Variants in FRMPD4 observed in about 807,000 individuals in gnomAD.
The protein encoded by FRMPD4 is FERM and PDZ domain-containing protein 4.
A neutral mutation model predicts 94.1 loss-of-function variants in FRMPD4; 22 were observed. The ratio of observed to expected loss-of-function variants is 0.23; its 90% confidence interval spans 0.17 to 0.33. The LOEUF (loss-of-function observed/expected upper bound fraction) is 0.33. Among genes scored for constraint, FRMPD4 ranks in the 10% least tolerant of loss-of-function variants. The pLI is 1.00. For synonymous variants in FRMPD4, 631 were observed against 548.6 expected, an observed-to-expected ratio of 1.15 and a Z score of -2.10; for missense variants, 1,111 against 1,339.9, an observed-to-expected ratio of 0.83 and a Z score of 2.67.
At chrX:12,476,380 A>T (rs1485696605) in intron 1 of FRMPD4, among the ~76,000 whole-genome samples, 1 of 112,079 alleles carries the variant, frequency 8.9e-6, no homozygotes, top group Non-Finnish European at 1.9e-5. Flanking sequence ...AACCTAGGCA[A>T]TACCATTTGG....
At chrX:12,060,124 G>A (rs1255053818) in intron 3 of FRMPD4, among the ~76,000 whole-genome samples, 1 of 111,238 alleles carries the variant, frequency 9.0e-6, no homozygotes, top group African/African-American at 3.3e-5. Flanking sequence ...ATACCCAGTA[G>A]TGGGATTGCT....
chrX:12,718,272 G>T lies in FRMPD4; in HGVS notation c.3446G>T (p.Arg1149Leu). 3.3e-6 allele frequency: 4 copies of T among 1,211,422 alleles called. No homozygotes were observed. The highest frequency in any genetic ancestry group is 4.5e-6 in the Non-Finnish European group (4 of 895,111). ...GGCTCAGGACTTGGTCAAGGGGACC[G>T]CTTCTTAACTGACGTGACCTGTGCA... Reference protein sequence around the residue: ...SDGSGLGQGDRFLTDVTCASS... With the variant: ...SDGSGLGQGDLFLTDVTCASS... Residue 1149 changes from arginine (R) to leucine (L), a missense_variant, in exon 16 of 17, where the codon CGC becomes CTC. This residue lies in a region of FRMPD4 where 551 missense variants were observed against 591.6 expected (regional missense o/e 0.93). Transcript: ENST00000675598.
intron 2 of FRMPD4, among the ~76,000 whole-genome samples, chrX:12,529,205 A>G (rs768181038): frequency 1.8e-5 from 2 of 112,404 alleles, no homozygotes; most frequent in East Asian, 5.6e-4. Flanking sequence ...AGGTTTCTCC[A>G]AGGTCGTTGG....
intron 3 of FRMPD4, among the ~76,000 whole-genome samples, chrX:12,071,364 T>C (rs1260439639): frequency 9.0e-6 from 1 of 111,716 alleles, no homozygotes; most frequent in East Asian, 2.8e-4. Flanking sequence ...ATGGTCTCAA[T>C]AAGTTGCATG....
intron 7 of FRMPD4, among the ~76,000 whole-genome samples, 182 bp downstream of exon 7, chrX:12,686,386 C>G (rs966239273): frequency 3.6e-5 from 4 of 112,022 alleles, no homozygotes; most frequent in Non-Finnish European, 3.8e-5. Context: ...AAGCTTAAAC[C>G]AAGAAGGCTC....
chrX:12,690,343 C>A lies in FRMPD4; in HGVS notation c.813+17C>A. ...CTAACTCAGGTCTGTGAAATCTCACCCTCAAGTGATGAGGCTGCAGGTTAG... is the reference window on the plus strand; with the variant it reads ...CTAACTCAGGTCTGTGAAATCTCACACTCAAGTGATGAGGCTGCAGGTTAG... On this transcript the variant is annotated intron_variant, in intron 8 of 16. Coordinates refer to ENST00000675598, the MANE Select transcript of FRMPD4 (RefSeq NM_001368397.1). 1 of 1,200,733 alleles carries A rather than the reference C, an allele frequency of 8.3e-7. No individual in the cohort carries two copies.
At chrX:12,040,389 T>G (rs2054746810) in intron 3 of FRMPD4, among the ~76,000 whole-genome samples, 1 of 107,804 alleles carries the variant, frequency 9.3e-6, no homozygotes, top group South Asian at 4.2e-4. Flanking sequence ...ATTTGTATGG[T>G]TTGTCTTTTT....
At chrX:12,054,985 T>A (rs908929000) in intron 3 of FRMPD4, 14 of 111,885 alleles carry the variant, frequency 1.3e-4, no homozygotes, top group African/African-American at 4.5e-4. Flanking sequence ...GTCAGTTTAT[T>A]AATATGTAGA....
chrX:12,681,723 G>A (rs891227603), intron 5 of FRMPD4, among the ~76,000 whole-genome samples: 12 of 108,142 alleles, frequency 1.1e-4, no homozygotes, highest in Admixed American at 4.0e-4. Flanking sequence ...ACACACGCAC[G>A]CACACACACG....
intron 3 of FRMPD4, among the ~76,000 whole-genome samples, chrX:12,035,443 T>C (rs1326883819): frequency 2.7e-5 from 3 of 112,022 alleles, no homozygotes; most frequent in Non-Finnish European, 5.6e-5. Context: ...CTAGGGATCT[T>C]TCTATTATAA....
chrX:12,013,229 T>C (rs1052532730), intron 3 of FRMPD4, among the ~76,000 whole-genome samples: 1 of 112,140 alleles, frequency 8.9e-6, no homozygotes, highest in African/African-American at 3.2e-5. Context: ...AGGCCTTTCT[T>C]TCTCCAGGAA....
chrX:12,484,696 G>A (rs746168133), intron 1 of FRMPD4, among the ~76,000 whole-genome samples: 5 of 111,630 alleles, frequency 4.5e-5, no homozygotes, highest in African/African-American at 1.6e-4. Flanking sequence ...TGAGCTCCAA[G>A]TTTAGACAAA....
At chrX:12,570,253 C>G (rs2058748917) in intron 2 of FRMPD4, among the ~76,000 whole-genome samples, 1 of 111,495 alleles carries the variant, frequency 9.0e-6, no homozygotes, top group Admixed American at 9.5e-5. Context: ...AGTTCCTAAT[C>G]TCCCTGAAAA....
At chrX:12,331,058 G>T (rs1412921950) in intron 1 of FRMPD4, among the ~76,000 whole-genome samples, 1 of 111,580 alleles carries the variant, frequency 9.0e-6, no homozygotes, top group African/African-American at 3.3e-5. Context: ...AGCAGCCACA[G>T]ACCACATGTC....
At position 12,066,711 on chromosome X, in the gene FRMPD4, T is replaced by TA. The variant is rs1002182986; in HGVS notation, c.95+188702dup. Among the ~76,000 whole-genome samples, 28 of 108,286 alleles carry TA rather than the reference T, an allele frequency of 2.6e-4. No homozygotes were observed. The Middle Eastern group carries it at 0.014, about 55-fold the overall frequency. 94.0% of individuals were successfully genotyped at this position (108,286 alleles called of 115,157 possible). On this transcript the variant is annotated intron_variant, in intron 3 of 18. Coordinates refer to the FRMPD4 transcript ENST00000640291. ...AAATAATGTTTTATTATAGGTTTTC[T>TA]AAAAAAAAATCTGGATGGTTTTTTT... is the stretch of plus-strand genomic sequence containing the variant.
intron 1 of FRMPD4, among the ~76,000 whole-genome samples, chrX:12,166,964 A>G (rs146950075): frequency 0.022 from 2,437 of 110,267 alleles, 75 homozygotes; most frequent in African/African-American, 0.076. Context: ...TAGTCTTGCT[A>G]GTGGTCTATC....
At chrX:12,437,172 T>G (rs1053228111) in intron 1 of FRMPD4, among the ~76,000 whole-genome samples, 1 of 111,380 alleles carries the variant, frequency 9.0e-6, no homozygotes, top group Non-Finnish European at 1.9e-5. Flanking sequence ...ATTAACAAGC[T>G]TGCTATAATA....
chrX:12,493,728 T>C (rs2057815428), intron 1 of FRMPD4, among the ~76,000 whole-genome samples: 1 of 112,028 alleles, frequency 8.9e-6, no homozygotes, highest in Non-Finnish European at 1.9e-5. Context: ...AGGGAAATAA[T>C]AATGCAGGCG....
chrX:12,380,660 T>C (rs930320386), intron 1 of FRMPD4, among the ~76,000 whole-genome samples: 5 of 112,293 alleles, frequency 4.5e-5, no homozygotes, highest in Non-Finnish European at 7.5e-5. Context: ...GACCCGACCT[T>C]GCGTTGCCTG....
Sources: allele counts gnomAD v4.1 joint callset (sites outside exome capture counted in the v4.1 genomes callset), GRCh38; gene constraint gnomAD v4.1.1; regional missense constraint gnomAD v4.1.1; transcripts MANE v1.5; gene names NCBI Gene and HGNC (gene_info 2026-07-23, HGNC 2026-07-21).